ELP3: variants seen among roughly 807,000 people sequenced by gnomAD.
ELP3 encodes the protein elongator acetyltransferase complex subunit 3.
A neutral mutation model predicts 74.9 loss-of-function variants in ELP3; 56 were observed. That is an observed-to-expected ratio of 0.75 (90% confidence interval 0.60 to 0.93). The LOEUF (loss-of-function observed/expected upper bound fraction) is 0.93. ELP3 is among the 40% of genes least tolerant of loss of function. The pLI is 0.00. For missense variants in ELP3, 573 were observed against 686.5 expected (o/e 0.83, Z 1.85); for synonymous variants, 222 against 239.8 (o/e 0.93, Z 0.68).
At chr8:28,129,073 G>A (rs1189481073) in intron 7 of ELP3, among the ~76,000 whole-genome samples, 1 of 152,028 alleles carries the variant, frequency 6.6e-6, no homozygotes, top group East Asian at 1.9e-4. Context: ...AATATAGAGT[G>A]GGAAATAAAT....
At chr8:28,140,093 C>G (rs535211141) in intron 10 of ELP3, among the ~76,000 whole-genome samples, 26 of 149,284 alleles carry the variant, frequency 1.7e-4, no homozygotes, top group Admixed American at 3.4e-4. Context: ...CTTTGGATAC[C>G]GAGGGACAAC....
chr8:28,132,860 AAT>A (rs1322598012), intron 9 of ELP3, among the ~76,000 whole-genome samples: 7 of 152,128 alleles, frequency 4.6e-5, no homozygotes, highest in African/African-American at 1.7e-4. Flanking sequence ...CTGGTTTTTT[AAT>A]ATTATTTAAA....
chr8:28,101,067 A>G lies in ELP3; in HGVS notation c.258+1101A>G, dbSNP rs1811460675. Among the ~76,000 whole-genome samples, 3 of 152,078 alleles carry G rather than the reference A, an allele frequency of 2.0e-5. No individual in the cohort carries two copies. In the South Asian group the frequency reaches 6.2e-4, roughly 32 times the overall value. On this transcript the variant is annotated intron_variant, in intron 3 of 14. Coordinates refer to ENST00000256398, the MANE Select transcript of ELP3 (RefSeq NM_018091.6). Reference sequence around the variant, plus strand: ...CATACAATGTACCACCAAACCTCATATCCTCTTCTTTGTACTTAAGTGTTT... The same window carrying G: ...CATACAATGTACCACCAAACCTCATGTCCTCTTCTTTGTACTTAAGTGTTT...
chr8:28,144,427 C>T (rs1323297953), intron 10 of ELP3, among the ~76,000 whole-genome samples: 4 of 151,796 alleles, frequency 2.6e-5, no homozygotes, highest in East Asian at 3.9e-4. Flanking sequence ...CTGGGAAACA[C>T]GGTGAAACCT....
chr8:28,106,401 G>C (rs951532587), intron 3 of ELP3, among the ~76,000 whole-genome samples: 1 of 151,116 alleles, frequency 6.6e-6, no homozygotes, highest in African/African-American at 2.4e-5. Context: ...TTAGCCGGGC[G>C]TAGTGGCGGG....
At chr8:28,172,278 T>G (rs1413862290) in intron 14 of ELP3, among the ~76,000 whole-genome samples, 1 of 152,146 alleles carries the variant, frequency 6.6e-6, no homozygotes, top group African/African-American at 2.4e-5. Flanking sequence ...TTCCAGGCCA[T>G]GAACACAGGA....
chr8:28,122,341 CCT>C (rs1242610176), intron 7 of ELP3, among the ~76,000 whole-genome samples: 6 of 152,140 alleles, frequency 3.9e-5, no homozygotes, highest in East Asian at 1.9e-4. Flanking sequence ...TGTTCCCTCC[CCT>C]GTTTTCTGAA....
chr8:28,117,795 C>A (rs76005635), intron 7 of ELP3, among the ~76,000 whole-genome samples: 1 of 151,916 alleles, frequency 6.6e-6, no homozygotes, highest in African/African-American at 2.4e-5. Context: ...TTACTACAAA[C>A]CCCTCATAAT....
chr8:28,124,110 G>A (rs1812482636), intron 7 of ELP3, among the ~76,000 whole-genome samples: 1 of 152,014 alleles, frequency 6.6e-6, no homozygotes, highest in Admixed American at 6.6e-5. Context: ...AATAATAGTT[G>A]TAATGAATAC....
chr8:28,163,272 C>A (rs1230086483), intron 14 of ELP3, among the ~76,000 whole-genome samples: 1 of 152,178 alleles, frequency 6.6e-6, no homozygotes, highest in Non-Finnish European at 1.5e-5. Flanking sequence ...TATTTTTCAT[C>A]CAGCATGTTT....
Position 28,147,131 on chromosome 8 carries a change from T to C in ELP3, c.1101-8811T>C, listed in dbSNP as rs1813465489. 6.6e-6 allele frequency among the ~76,000 whole-genome samples: 1 copy of C among 152,228 alleles called. No homozygotes were observed. ...ATTCTGTAGCAGCCTCCTGGGTCTT[T>C]TTATCATACAGTTCTGCTTACCAAC... is the stretch of plus-strand genomic sequence containing the variant. On this transcript the variant is annotated intron_variant, in intron 10 of 14. Transcript: ENST00000256398. This position sits in a 1 kb window ranked among gnomAD's most constrained non-coding sequence, Gnocchi z 4.5.
chr8:28,106,340 A>G (rs1397999767), intron 3 of ELP3, among the ~76,000 whole-genome samples: 2 of 151,882 alleles, frequency 1.3e-5, no homozygotes, highest in Non-Finnish European at 2.9e-5. Context: ...GGAGATCGAG[A>G]CCATCCCGGC....
At chr8:28,090,417 C>A (rs1811020492), upstream of ELP3, 1 of 309,212 alleles carries the variant, frequency 3.2e-6, no homozygotes, top group Admixed American at 4.1e-5. Flanking sequence ...AGTGTAGTGT[C>A]CAAGTCTGGA....
At chr8:28,166,611 T>C (rs2130567890) in intron 14 of ELP3, among the ~76,000 whole-genome samples, 1 of 152,316 alleles carries the variant, frequency 6.6e-6, no homozygotes, top group South Asian at 2.1e-4. Flanking sequence ...CATGAGCAGT[T>C]TTTCTGTCTC....
At chr8:28,129,870 A>G (rs1812726734) in intron 8 of ELP3, among the ~76,000 whole-genome samples, 1 of 152,048 alleles carries the variant, frequency 6.6e-6, no homozygotes, top group South Asian at 2.1e-4. Flanking sequence ...GGTCTTTTCC[A>G]GCAGCCTGTA....
intron 3 of ELP3, among the ~76,000 whole-genome samples, chr8:28,105,473 G>A (rs1811652279): frequency 6.6e-6 from 1 of 152,200 alleles, no homozygotes; most frequent in Non-Finnish European, 1.5e-5. Context: ...TCCCCAAGGA[G>A]CCCTGGTTTC....
At chr8:28,135,275 T>G (rs1021892408) in intron 9 of ELP3, among the ~76,000 whole-genome samples, 1 of 152,248 alleles carries the variant, frequency 6.6e-6, no homozygotes, top group Non-Finnish European at 1.5e-5. Context: ...AAAAGCCGGA[T>G]GGCAAGGCCT....
intron 7 of ELP3, among the ~76,000 whole-genome samples, chr8:28,114,701 C>T (rs1032872244): frequency 1.3e-5 from 2 of 152,172 alleles, no homozygotes; most frequent in African/African-American, 4.8e-5. Flanking sequence ...GGACAAACAC[C>T]CAAACCATGT....
upstream of ELP3, chr8:28,092,940 C>T (rs960111812): frequency 5.0e-6 from 3 of 594,084 alleles, no homozygotes; most frequent in Non-Finnish European, 9.0e-6. Context: ...CTTTCTAACC[C>T]CAAGATGCCA....
Sources: allele counts gnomAD v4.1 joint callset (sites outside exome capture counted in the v4.1 genomes callset), GRCh38; gene constraint gnomAD v4.1.1; non-coding constraint Gnocchi (gnomAD v3.1); transcripts MANE v1.5; gene names NCBI Gene and HGNC (gene_info 2026-07-23, HGNC 2026-07-21).